The following MCC variants were observed in gnomAD, a reference collection of about 807,000 sequenced individuals.
MCC encodes MCC regulator of Wnt signaling pathway.
In MCC, 90 loss-of-function variants were observed where a neutral mutation model predicts 116.2. The ratio of observed to expected loss-of-function variants is 0.77; its 90% CI spans 0.65 to 0.92. The LOEUF is 0.92. Ranked by LOEUF, MCC falls within the 40% of genes least tolerant of loss-of-function variation. The pLI is 0.00. For missense variants in MCC, 1,516 were observed against 1,312.2 expected (o/e 1.16, Z -2.40); for synonymous variants, 578 against 510.5 (o/e 1.13, Z -1.78).
At chr5:113,410,728 G>T (rs1277961120) in intron 1 of MCC, among the ~76,000 whole-genome samples, 1 of 152,148 alleles carries the variant, frequency 6.6e-6, no homozygotes, top group Admixed American at 6.6e-5. Context: ...TTTACATTAG[G>T]TGTTTCTCCC....
Position 113,027,360 on chromosome 5 carries a change from C to A in MCC, c.3002G>T (p.Arg1001Ile). ...GTTCTCCTCCTCTAGCAGAGCTATTCTTTGCTTGAGCATCCTCACTTGGGT... is the reference window on the plus strand; with the variant it reads ...GTTCTCCTCCTCTAGCAGAGCTATTATTTGCTTGAGCATCCTCACTTGGGT... ...HETQVRMLKQRIALLEEENSR... is the reference protein window; with the variant it reads ...HETQVRMLKQIIALLEEENSR... Residue 1001 changes from arginine to isoleucine, a missense_variant, in exon 19 of 19, where the codon AGA (arginine) becomes ATA (isoleucine). By Grantham distance (97) the Arg-to-Ile change is moderately conservative (BLOSUM62 -3). Transcript: ENST00000408903. 1 of 1,614,178 alleles carries A rather than the reference C, an allele frequency of 6.2e-7. No individual in the cohort carries two copies. Among genetic ancestry groups the A allele is most frequent in the Non-Finnish European group, 8.5e-7 (1 of 1,180,018 alleles).
intron 3 of MCC, among the ~76,000 whole-genome samples, chr5:113,242,510 G>A (rs888187021): frequency 6.6e-6 from 1 of 151,830 alleles, no homozygotes; most frequent in African/African-American, 2.4e-5. Context: ...GCAAAACAGA[G>A]ATATGAATTA....
intron 3 of MCC, among the ~76,000 whole-genome samples, chr5:113,235,523 TC>T: frequency 6.6e-6 from 1 of 152,308 alleles, no homozygotes; most frequent in South Asian, 2.1e-4. Context: ...AAGATCCAAC[TC>T]TATCATGCAT....
intron 1 of MCC, among the ~76,000 whole-genome samples, chr5:113,410,593 T>A (rs78371733): frequency 0.011 from 1,629 of 152,314 alleles, 36 homozygotes; most frequent in African/African-American, 0.037. Flanking sequence ...TACATCTGCA[T>A]AATGAATTAT....
chr5:113,423,991 T>A (rs1229814360), intron 1 of MCC, among the ~76,000 whole-genome samples: 4 of 152,128 alleles, frequency 2.6e-5, no homozygotes, highest in African/African-American at 7.2e-5. Context: ...GATGGCAGAC[T>A]GAAGGACATC....
At chr5:113,231,647 G>A (rs892320609) in intron 3 of MCC, among the ~76,000 whole-genome samples, 5 of 152,122 alleles carry the variant, frequency 3.3e-5, no homozygotes, top group African/African-American at 1.2e-4. Flanking sequence ...CTCCTAGGAA[G>A]AAAATGTCAA....
At chr5:113,384,415 C>T (rs1465735428) in intron 2 of MCC, among the ~76,000 whole-genome samples, 3 of 152,100 alleles carry the variant, frequency 2.0e-5, no homozygotes, top group African/African-American at 4.8e-5. Context: ...GGTGAAACCC[C>T]GTCTCTACTA....
In MCC at chr5:113,043,511, G is replaced by A; in HGVS notation, c.2756+19C>T. On this transcript the variant is annotated intron_variant, in intron 17 of 18. Transcript: ENST00000408903. ...ATGCCCAGGATAAACACCAGCTGGG[G>A]TGGGGAAAGGGTGCTTACCGACGAA... The A allele has an allele frequency of 6.2e-7, 1 of 1,606,454 alleles. No individual in the cohort carries two copies.
chr5:113,251,178 C>G (rs139149487), intron 3 of MCC, among the ~76,000 whole-genome samples: 3 of 152,340 alleles, frequency 2.0e-5, no homozygotes, highest in African/African-American at 7.2e-5. Context: ...CACACCACCA[C>G]CTTTGCAAAT....
chr5:113,453,236 T>A (rs1381428498), intron 1 of MCC, among the ~76,000 whole-genome samples: 1 of 152,072 alleles, frequency 6.6e-6, no homozygotes, highest in Non-Finnish European at 1.5e-5. Context: ...ACTCCTCCAA[T>A]GCCTAACTCA....
intron 1 of MCC, among the ~76,000 whole-genome samples, chr5:113,464,351 G>A (rs1437216406): frequency 6.6e-6 from 1 of 152,146 alleles, no homozygotes; most frequent in Admixed American, 6.5e-5. Flanking sequence ...ACACTGGCCT[G>A]CTTATTCTTT....
chr5:113,274,953 C>A (rs1424970807), intron 3 of MCC, among the ~76,000 whole-genome samples: 1 of 152,184 alleles, frequency 6.6e-6, no homozygotes, highest in Non-Finnish European at 1.5e-5. Flanking sequence ...CTGCACCATG[C>A]CTAGATTCCC....
At chr5:113,303,989 C>T (rs1369606646) in intron 3 of MCC, among the ~76,000 whole-genome samples, 1 of 152,138 alleles carries the variant, frequency 6.6e-6, no homozygotes, top group African/African-American at 2.4e-5. Context: ...TGCCCAAAGC[C>T]TTACTACTAG....
chr5:113,047,848 A>AC (rs1752206331), intron 16 of MCC, among the ~76,000 whole-genome samples: 2 of 151,276 alleles, frequency 1.3e-5, no homozygotes, highest in African/African-American at 4.9e-5. Flanking sequence ...AAAAAAAAAA[A>AC]CACCTGGGGG....
chr5:113,239,829 T>C (rs1436537281), intron 3 of MCC, among the ~76,000 whole-genome samples: 1 of 152,150 alleles, frequency 6.6e-6, no homozygotes, highest in South Asian at 2.1e-4. Context: ...AATCCAAACG[T>C]GGTGGAAGAC....
Position 113,403,632 on chromosome 5 carries a change from C to T in MCC, c.171-18420G>A, listed in dbSNP as rs972801317. 4.6e-5 allele frequency among the ~76,000 whole-genome samples: 7 copies of T among 151,996 alleles called. No individual in the cohort carries two copies. In the South Asian group the frequency reaches 8.3e-4, roughly 18 times the overall value. On this transcript the variant is annotated intron_variant, in intron 1 of 18. Coordinates refer to ENST00000408903, the MANE Select transcript of MCC (RefSeq NM_001085377.2). ...GAGAGAGAGGTGGTAAAGTTCCAGC[C>T]GGAGTAATAACAAGCTGTTTGGACA... is the stretch of plus-strand genomic sequence containing the variant.
intron 5 of MCC, among the ~76,000 whole-genome samples, chr5:113,123,637 T>C (rs1385708730): frequency 6.6e-6 from 1 of 152,194 alleles, no homozygotes; most frequent in Non-Finnish European, 1.5e-5. Context: ...AATTGCAGTG[T>C]GTATTTCAGA....
At chr5:113,086,755 T>G (rs559052164) in intron 8 of MCC, among the ~76,000 whole-genome samples, 1 of 152,330 alleles carries the variant, frequency 6.6e-6, no homozygotes, top group East Asian at 1.9e-4. Context: ...CCAGCGGTCC[T>G]TACAAATGGA....
chr5:113,112,059 C>T (rs1227283555), intron 6 of MCC, among the ~76,000 whole-genome samples: 1 of 152,152 alleles, frequency 6.6e-6, no homozygotes, highest in Non-Finnish European at 1.5e-5. Flanking sequence ...ACAAACATCT[C>T]CCCTGGTCCA....
Sources: allele counts gnomAD v4.1 joint callset (sites outside exome capture counted in the v4.1 genomes callset), GRCh38; gene constraint gnomAD v4.1.1; transcripts MANE v1.5; gene names NCBI Gene and HGNC (gene_info 2026-07-23, HGNC 2026-07-21).